Variants in EYA2 observed in about 807,000 individuals in gnomAD.
EYA2 encodes the protein EYA transcriptional coactivator and phosphatase 2.
A neutral mutation model predicts 69.2 loss-of-function variants in EYA2; 31 were observed. The ratio of observed to expected loss-of-function variants is 0.45; its 90% CI spans 0.34 to 0.60. The LOEUF (loss-of-function observed/expected upper bound fraction) is 0.60. EYA2 is among the 20% of genes least tolerant of loss of function. The pLI is 0.02. For synonymous variants in EYA2, 257 were observed against 279.4 expected (o/e 0.92, Z 0.80); for missense variants, 622 against 701.2 (o/e 0.89, Z 1.28).
chr20:46,981,419 G>C (rs1041031645), intron 1 of EYA2, among the ~76,000 whole-genome samples: 1 of 152,198 alleles, frequency 6.6e-6, no homozygotes, highest in Non-Finnish European at 1.5e-5. Context: ...ACAATTGTCA[G>C]GTTCTCAAGT....
At chr20:47,186,514 C>T (rs1301594277) in intron 15 of EYA2, among the ~76,000 whole-genome samples, 1 of 151,992 alleles carries the variant, frequency 6.6e-6, no homozygotes, top group African/African-American at 2.4e-5. Flanking sequence ...TGGCCACCAC[C>T]ACGCCCAGCT....
At chr20:47,005,617 A>G (rs1057046627) in intron 4 of EYA2, among the ~76,000 whole-genome samples, 3 of 152,234 alleles carry the variant, frequency 2.0e-5, no homozygotes, top group African/African-American at 7.2e-5. Context: ...TAGCAAGGCA[A>G]GGAGAACAGG....
At position 46,918,500 on chromosome 20, in the gene EYA2, T is replaced by G. The variant is rs2146234353; in HGVS notation, c.-11+23513T>G. Among the ~76,000 whole-genome samples the G allele has an allele frequency of 2.0e-5, 3 of 152,030 alleles. No individual in the cohort carries two copies. The East Asian group carries it at 5.9e-4, about 30-fold the overall frequency. On this transcript the variant is annotated intron_variant, in intron 1 of 15. Transcript: ENST00000327619. ...TTTTTTTTAGTTTAGTAGAGACGGG[T>G]TTCACCAGGTTACCCAGAGTGGTCT...
At chr20:47,182,480 T>A (rs2034555915) in intron 14 of EYA2, among the ~76,000 whole-genome samples, 1 of 150,536 alleles carries the variant, frequency 6.6e-6, no homozygotes, top group Non-Finnish European at 1.5e-5. Context: ...AATAAAAAAA[T>A]TAGCAGGGCA....
At chr20:47,064,690 G>A (rs1426450534) in intron 5 of EYA2, among the ~76,000 whole-genome samples, 1 of 152,148 alleles carries the variant, frequency 6.6e-6, no homozygotes, top group Non-Finnish European at 1.5e-5. Context: ...AACCTAGCGA[G>A]TGTGAAGGAG....
At chr20:46,958,450 GA>G (rs35984803) in intron 1 of EYA2, among the ~76,000 whole-genome samples, 1 of 150,390 alleles carries the variant, frequency 6.6e-6, no homozygotes, top group Non-Finnish European at 1.5e-5. Flanking sequence ...GTGTAATTAT[GA>G]AAAAAAAACA....
chr20:47,057,521 C>A (rs959596485), intron 5 of EYA2, among the ~76,000 whole-genome samples: 42 of 150,950 alleles, frequency 2.8e-4, no homozygotes, highest in African/African-American at 9.5e-4. Flanking sequence ...CCCCCCCCCC[C>A]CATCTCATAC....
chr20:47,177,377 G>A (rs1042937476), intron 12 of EYA2, among the ~76,000 whole-genome samples: 3 of 152,228 alleles, frequency 2.0e-5, no homozygotes, highest in African/African-American at 4.8e-5. Flanking sequence ...CTCCCAAAGT[G>A]CTGGGGTTAC....
At chr20:47,057,837 C>T (rs1212041253) in intron 5 of EYA2, among the ~76,000 whole-genome samples, 1 of 152,206 alleles carries the variant, frequency 6.6e-6, no homozygotes, top group Non-Finnish European at 1.5e-5. Context: ...TGCAACTTCC[C>T]ACAGGTGTGT....
At chr20:47,131,355 G>A (rs1047881017) in intron 9 of EYA2, among the ~76,000 whole-genome samples, 1 of 152,270 alleles carries the variant, frequency 6.6e-6, no homozygotes, top group East Asian at 1.9e-4. Flanking sequence ...CCAAACCACT[G>A]TCTAGGCGGA....
In EYA2 at chr20:47,009,489, A is replaced by G. The variant is rs1279747785; in HGVS notation, c.298+4405A>G. ...TTATGCAATATTAAAGACATACATA[A>G]TAGAGTAATACTATGACACCTATGA... On this transcript the variant is annotated intron_variant, in intron 4 of 15. Coordinates refer to ENST00000327619, the MANE Select transcript of EYA2 (RefSeq NM_005244.5). Among the ~76,000 whole-genome samples the G allele has an allele frequency of 2.6e-5, 4 of 152,256 alleles. No individual in the cohort carries two copies. In the East Asian group the frequency reaches 7.7e-4, roughly 29 times the overall value.
At chr20:46,911,574 T>C (rs1314447409) in intron 1 of EYA2, among the ~76,000 whole-genome samples, 1 of 152,126 alleles carries the variant, frequency 6.6e-6, no homozygotes, top group African/African-American at 2.4e-5. Flanking sequence ...TTTTAAAGAG[T>C]CTTTGGAGAA....
chr20:47,119,225 C>T lies in EYA2; in HGVS notation c.888+22057C>T, dbSNP rs536629628. Among the ~76,000 whole-genome samples the T allele has an allele frequency of 9.2e-5, 14 of 152,302 alleles. No individual in the cohort carries two copies. In the East Asian group the frequency reaches 9.6e-4, roughly 10 times the overall value. On this transcript the variant is annotated intron_variant, in intron 9 of 15. Coordinates refer to ENST00000327619, the MANE Select transcript of EYA2 (RefSeq NM_005244.5). ...TGGTGATGAGGTGTCACCTGCTAAACGGCAGGAAGGTGTCAACGCCATTGT... is the reference window on the plus strand; with the variant it reads ...TGGTGATGAGGTGTCACCTGCTAAATGGCAGGAAGGTGTCAACGCCATTGT...
Position 47,129,930 on chromosome 20 carries a change from A to G in EYA2, c.889-13129A>G, listed in dbSNP as rs1457475915. Among the ~76,000 whole-genome samples the G allele has an allele frequency of 4.0e-4, 61 of 152,158 alleles. 1 individual carries two copies. The highest frequency in any genetic ancestry group is 3.9e-3 in the Admixed American group (59 of 15,272). ...TGGAAAACCTGGAAGAAATCAGGCAATTGGGGTATAAGGACCAGGTGAAGT... is the reference window on the plus strand; with the variant it reads ...TGGAAAACCTGGAAGAAATCAGGCAGTTGGGGTATAAGGACCAGGTGAAGT... On this transcript the variant is annotated intron_variant, in intron 9 of 15. Transcript: ENST00000327619.
chr20:47,016,048 C>T (rs942713561), intron 4 of EYA2, 133 bp from the exon 5 acceptor site: 5 of 709,612 alleles, frequency 7.0e-6, no homozygotes, highest in Non-Finnish European at 1.3e-5. Context: ...TGACAAGCCA[C>T]CAGTTTGCAA....
At chr20:47,107,111 A>T (rs1271550830) in intron 9 of EYA2, among the ~76,000 whole-genome samples, 2 of 152,202 alleles carry the variant, frequency 1.3e-5, no homozygotes, top group African/African-American at 4.8e-5. Context: ...TGCCTCCTGC[A>T]TGCCAGGTGT....
chr20:47,134,968 A>G (rs910028650), intron 9 of EYA2, among the ~76,000 whole-genome samples: 10 of 152,074 alleles, frequency 6.6e-5, no homozygotes, highest in Non-Finnish European at 1.3e-4. Context: ...TCTACTAAAA[A>G]TACAAAAAAT....
intron 5 of EYA2, among the ~76,000 whole-genome samples, chr20:47,055,842 C>T (rs1025042756): frequency 2.0e-5 from 3 of 152,140 alleles, no homozygotes; most frequent in Admixed American, 1.3e-4. Flanking sequence ...CCCCACTGTC[C>T]TGCAACTCAC....
At chr20:47,175,922 C>G (rs1057478080) in intron 12 of EYA2, among the ~76,000 whole-genome samples, 2 of 152,124 alleles carry the variant, frequency 1.3e-5, no homozygotes, top group African/African-American at 2.4e-5. Flanking sequence ...TAAGAAGATT[C>G]ATTCATTCAT....
Sources: gnomAD v4.1 joint callset for allele counts (sites outside exome capture counted in the v4.1 genomes callset) on GRCh38, gnomAD v4.1.1 for gene constraint, MANE v1.5 for transcripts, NCBI Gene and HGNC (gene_info 2026-07-23, HGNC 2026-07-21) for gene names.